Variants in PCSK6 observed in about 807,000 individuals in gnomAD.
PCSK6 encodes the protein proprotein convertase subtilisin/kexin type 6, also known as paired basic amino acid cleaving enzyme 4.
Under a neutral mutation model 123.3 loss-of-function variants are expected in PCSK6, and 85 were observed. That is an observed-to-expected ratio of 0.69 (90% confidence interval 0.58 to 0.83). The LOEUF is 0.83. Ranked by LOEUF, PCSK6 falls within the 40% of genes least tolerant of loss-of-function variation. The pLI is 0.00. For missense variants in PCSK6, 1,191 were observed against 1,282.3 expected (o/e 0.93, Z 1.09); for synonymous variants, 508 against 516.0 (o/e 0.98, Z 0.21).
intron 19 of PCSK6, chr15:101,313,710 G>A (rs939915068): frequency 4.3e-5 from 27 of 631,720 alleles, no homozygotes; most frequent in Admixed American, 1.9e-4. Flanking sequence ...TTTCACAGAC[G>A]GGGACATCGA....
At chr15:101,338,308 G>A (rs535023280) in intron 13 of PCSK6, among the ~76,000 whole-genome samples, 2 of 152,294 alleles carry the variant, frequency 1.3e-5, no homozygotes, top group Admixed American at 1.3e-4. Flanking sequence ...TGAGCTTCTT[G>A]GAGGCTTTAG....
At chr15:101,326,333 A>G (rs2040251151) in intron 16 of PCSK6, 44 bp downstream of exon 16, 1 of 1,472,232 alleles carries the variant, frequency 6.8e-7, no homozygotes. Flanking sequence ...TACAACTGGA[A>G]AGTCACTGAG....
chr15:101,325,959 A>G (rs1207542621), intron 16 of PCSK6, among the ~76,000 whole-genome samples: 1 of 152,212 alleles, frequency 6.6e-6, no homozygotes, highest in East Asian at 1.9e-4. Context: ...GAGTCCAGAG[A>G]CACTGAAAGA....
intron 2 of PCSK6, among the ~76,000 whole-genome samples, chr15:101,438,604 C>T (rs528601945): frequency 3.3e-5 from 5 of 152,348 alleles, no homozygotes; most frequent in Non-Finnish European, 1.5e-5. Context: ...ACAGCAGCGT[C>T]AGTCCGCCTT....
chr15:101,481,261 G>A (rs950477459), intron 1 of PCSK6, among the ~76,000 whole-genome samples: 7 of 152,146 alleles, frequency 4.6e-5, no homozygotes, highest in African/African-American at 7.2e-5. Flanking sequence ...GGAAATCGGG[G>A]TGAGTCGGCT....
chr15:101,363,403 C>T (rs1483749122), intron 13 of PCSK6, among the ~76,000 whole-genome samples: 3 of 152,218 alleles, frequency 2.0e-5, no homozygotes, highest in East Asian at 1.9e-4. Context: ...GCACCAGCCT[C>T]CCAGGCAAGC....
chr15:101,428,825 T>C (rs2056347624), intron 5 of PCSK6, among the ~76,000 whole-genome samples: 1 of 152,226 alleles, frequency 6.6e-6, no homozygotes, highest in Non-Finnish European at 1.5e-5. Context: ...AGGCCAGGGC[T>C]GTTCCCGGGG....
chr15:101,450,735 C>T (rs1596346277), intron 1 of PCSK6, among the ~76,000 whole-genome samples: 1 of 152,144 alleles, frequency 6.6e-6, no homozygotes, highest in East Asian at 1.9e-4. Context: ...TGCCTTCTGG[C>T]CCGGGCTCTG....
chr15:101,416,491 A>G (rs1389373813), intron 6 of PCSK6, among the ~76,000 whole-genome samples: 4 of 152,214 alleles, frequency 2.6e-5, no homozygotes, highest in African/African-American at 7.2e-5. Flanking sequence ...CTGAGGAGAA[A>G]TTCAAGCCGG....
intron 1 of PCSK6, among the ~76,000 whole-genome samples, chr15:101,465,416 C>T (rs926246335): frequency 2.0e-5 from 3 of 152,224 alleles, no homozygotes; most frequent in Admixed American, 1.3e-4. Flanking sequence ...TCTGATGGTA[C>T]GTCCAGTGCA....
intron 18 of PCSK6, 41 bp from the exon 19 acceptor site, chr15:101,318,463 A>T (rs2040044248): frequency 6.7e-7 from 1 of 1,486,636 alleles, no homozygotes; most frequent in Non-Finnish European, 9.2e-7. Context: ...TCCATTCCAA[A>T]AGTCTAATTA....
At chr15:101,460,290 C>T (rs937743612) in intron 1 of PCSK6, among the ~76,000 whole-genome samples, 1 of 152,178 alleles carries the variant, frequency 6.6e-6, no homozygotes, top group Non-Finnish European at 1.5e-5. Flanking sequence ...CCAGCCTTTT[C>T]CTGCCCTCTG....
chr15:101,424,507 G>A (rs2141097758), intron 6 of PCSK6, among the ~76,000 whole-genome samples: 1 of 152,318 alleles, frequency 6.6e-6, no homozygotes, highest in African/African-American at 2.4e-5. Context: ...TACCAAAAGA[G>A]GTGAGAGATA....
chr15:101,458,108 A>G (rs2057237701), intron 1 of PCSK6, among the ~76,000 whole-genome samples: 1 of 152,198 alleles, frequency 6.6e-6, no homozygotes, highest in South Asian at 2.1e-4. Flanking sequence ...CTGCTCTCTC[A>G]GAGGTCTCCA....
intron 13 of PCSK6, among the ~76,000 whole-genome samples, chr15:101,362,256 C>T (rs1325125025): frequency 2.0e-5 from 3 of 152,124 alleles, no homozygotes; most frequent in Non-Finnish European, 4.4e-5. Context: ...ATGCCCAGCC[C>T]AAAGCTATTT....
intron 17 of PCSK6, among the ~76,000 whole-genome samples, chr15:101,323,339 A>G (rs886663202): frequency 2.0e-5 from 3 of 152,188 alleles, no homozygotes; most frequent in African/African-American, 4.8e-5. Flanking sequence ...GTGGGGATGA[A>G]GGCGCCTCCG....
At chr15:101,338,477 G>A (rs2040532862) in intron 13 of PCSK6, among the ~76,000 whole-genome samples, 2 of 152,206 alleles carry the variant, frequency 1.3e-5, no homozygotes, top group African/African-American at 4.8e-5. Context: ...CATGGGTGCA[G>A]GAGAAGCAAG....
chr15:101,340,313 A>C (rs1229416341), intron 13 of PCSK6, among the ~76,000 whole-genome samples: 2 of 152,124 alleles, frequency 1.3e-5, no homozygotes, highest in African/African-American at 2.4e-5. Flanking sequence ...AGCCACAAAA[A>C]CCCTGAAAGA....
chr15:101,471,775 T>C (rs564777528), intron 1 of PCSK6, among the ~76,000 whole-genome samples: 3 of 152,326 alleles, frequency 2.0e-5, no homozygotes, highest in African/African-American at 7.2e-5. Flanking sequence ...AAGTCTCGCA[T>C]GTGCCTTCCC....
Sources: allele counts gnomAD v4.1 joint callset (sites outside exome capture counted in the v4.1 genomes callset), GRCh38; gene constraint gnomAD v4.1.1; transcripts MANE v1.5; gene names NCBI Gene and HGNC (gene_info 2026-07-23, HGNC 2026-07-21).